The following GSTA4 variants were observed in gnomAD, a reference collection of about 807,000 sequenced individuals.
GSTA4 encodes the protein glutathione S-transferase alpha 4, also known as glutathione S-transferase A4.
Under a neutral mutation model 24.4 loss-of-function variants are expected in GSTA4, and 15 were observed. The ratio of observed to expected loss-of-function variants is 0.61; its 90% CI spans 0.41 to 0.95. The LOEUF is 0.95. Among genes scored for constraint, GSTA4 ranks in the 40% least tolerant of loss-of-function variants. The probability of loss-of-function intolerance (pLI) is 0.00; values close to 1 mark genes in which losing one functional copy is unlikely to be tolerated. For missense variants in GSTA4, 244 were observed against 262.1 expected, an observed-to-expected ratio of 0.93 and a Z score of 0.48; for synonymous variants, 92 against 94.2, an observed-to-expected ratio of 0.98 and a Z score of 0.13.
intron 6 of GSTA4, among the ~76,000 whole-genome samples, chr6:52,980,599 C>A (rs597348): frequency 5.9e-5 from 9 of 151,654 alleles, no homozygotes; most frequent in Non-Finnish European, 1.2e-4. Context: ...CCACTGCGCC[C>A]GGCCTAGATT....
intron 2 of GSTA4, among the ~76,000 whole-genome samples, chr6:52,993,664 G>A (rs529469384): frequency 1.3e-5 from 2 of 152,204 alleles, no homozygotes; most frequent in South Asian, 4.1e-4. Flanking sequence ...CTGAAGTCGG[G>A]TGATGAGTAC....
Position 52,993,606 on chromosome 6 carries a change from G to T in GSTA4, c.87+551C>A, listed in dbSNP as rs1359085655. On this transcript the variant is annotated intron_variant, in intron 2 of 6. Coordinates refer to ENST00000370963, the MANE Select transcript of GSTA4 (RefSeq NM_001512.4). ...CTTTAAAATACTCCCACAAAACAAG[G>T]GAAGGGAGGTGATAGATGAAACAAG... Among the ~76,000 whole-genome samples, 3 of 152,188 alleles carry T rather than the reference G, an allele frequency of 2.0e-5. No individual in the cohort carries two copies. The East Asian group carries it at 5.8e-4, about 29-fold the overall frequency.
intron 3 of GSTA4, among the ~76,000 whole-genome samples, chr6:52,985,868 T>C (rs1434919886): frequency 6.6e-6 from 1 of 151,902 alleles, no homozygotes; most frequent in Non-Finnish European, 1.5e-5. Context: ...CTGGCCAACA[T>C]AGTGAAACCC....
At chr6:52,991,911 C>A (rs1763669097) in intron 2 of GSTA4, among the ~76,000 whole-genome samples, 1 of 152,084 alleles carries the variant, frequency 6.6e-6, no homozygotes, top group Non-Finnish European at 1.5e-5. Flanking sequence ...CACATGCCAC[C>A]ACACCCAGCT....
At chr6:52,987,933 T>A (rs1763594025) in intron 2 of GSTA4, 2 of 152,192 alleles carry the variant, frequency 1.3e-5, no homozygotes, top group African/African-American at 4.8e-5. Flanking sequence ...ATCAATTTTT[T>A]AAAAAGATAT....
chr6:52,994,268 T>C lies in GSTA4; in HGVS notation c.-18-7A>G, dbSNP rs778935531. 13 of 1,504,058 alleles carry C rather than the reference T, an allele frequency of 8.6e-6. No individual in the cohort carries two copies. The highest frequency in any genetic ancestry group is 2.2e-5 in the South Asian group (2 of 88,982). The allele number at this position is 1,504,058 out of a possible 1,614,324, so 93.2% of individuals were successfully genotyped here. ...TGATAGCTTTTCAGGCTTTCTGAAA[T>C]ACAAATGCAGCAGCTCGTCGCAGAC... On this transcript the variant is annotated splice_polypyrimidine_tract_variant and splice_region_variant and intron_variant, in intron 1 of 6. Coordinates refer to ENST00000370963, the MANE Select transcript of GSTA4 (RefSeq NM_001512.4).
chr6:52,985,760 A>C (rs1763540674), intron 3 of GSTA4, among the ~76,000 whole-genome samples, 177 bp from the exon 4 acceptor site: 2 of 152,146 alleles, frequency 1.3e-5, no homozygotes, highest in Non-Finnish European at 2.9e-5. Context: ...GCCACAAAAG[A>C]AGCCTGAAGG....
chr6:52,994,641 C>T (rs565964864), intron 1 of GSTA4, among the ~76,000 whole-genome samples: 2 of 152,080 alleles, frequency 1.3e-5, no homozygotes, highest in African/African-American at 4.8e-5. Context: ...AAGAGGGTAG[C>T]GAAGGAAAAT....
chr6:52,980,134 A>G (rs1246060521), intron 6 of GSTA4, among the ~76,000 whole-genome samples: 2 of 152,156 alleles, frequency 1.3e-5, no homozygotes, highest in East Asian at 3.8e-4. Flanking sequence ...CATCAATGTA[A>G]AATACCAATA....
intron 2 of GSTA4, among the ~76,000 whole-genome samples, chr6:52,992,410 T>C (rs1383716456): frequency 1.3e-5 from 2 of 152,242 alleles, no homozygotes; most frequent in African/African-American, 4.8e-5. Context: ...ATTCTCATCA[T>C]TTTGAATGTG....
rs1161538333 is a variant in GSTA4, at chr6:52,985,449, A to G, written c.272+2T>C. The G allele has an allele frequency of 6.2e-7, 1 of 1,613,794 alleles. No individual in the cohort carries two copies. The highest frequency in any genetic ancestry group is 1.3e-5 in the African/African-American group (1 of 75,034). On this transcript the variant is annotated splice_donor_variant, in intron 4 of 6. Transcript: ENST00000370963. LOFTEE classifies it high-confidence loss of function. ...GACAACACTCGAGAGGGGCCACAGT[A>G]CAGGGTTCTCTCCTTGAGGTTCTTG... is the stretch of plus-strand genomic sequence containing the variant.
chr6:52,984,974 C>A (rs1008768487), intron 4 of GSTA4, among the ~76,000 whole-genome samples: 2 of 152,132 alleles, frequency 1.3e-5, no homozygotes, highest in African/African-American at 4.8e-5. Context: ...GTGCTAAACA[C>A]TCTCTATCCA....
At chr6:52,992,631 GA>G (rs559448536) in intron 2 of GSTA4, among the ~76,000 whole-genome samples, 8 of 151,842 alleles carry the variant, frequency 5.3e-5, no homozygotes, top group South Asian at 2.1e-4. Flanking sequence ...GTCTAATCAT[GA>G]AAAAAACAAG....
Position 52,994,185 on chromosome 6 carries a change from C to T in GSTA4, c.59G>A (p.Arg20Lys). Residue 20 changes from arginine (R) to lysine (K), a missense_variant, in exon 2 of 7, where the codon AGA becomes AAA. By Grantham distance (26) the Arg-to-Lys change is conservative. Transcript: ENST00000370963. ...PNGRGRMESV[R>K]WVLAAAGVEF... ...GACTCCGGCGGCAGCTAAAACCCAT[C>T]TCACGGACTCCATCCGGCCTCTTCC... 3.1e-6 allele frequency: 5 copies of T among 1,613,480 alleles called. No homozygotes were observed. The highest frequency in any genetic ancestry group is 4.2e-6 in the Non-Finnish European group (5 of 1,179,366).
In GSTA4 at chr6:52,978,573, C is replaced by A; in HGVS notation, c.566G>T (p.Ser189Ile). Reference protein sequence around the residue: ...PFLQEYTVKLSNIPTIKRFLE... With the variant: ...PFLQEYTVKLINIPTIKRFLE... ...GAATCTCTTAATTGTAGGGATATTA[C>A]TTAGTTTCACTGTGTATTCCTGAAA... The change falls in exon 7 of 7, where the codon AGT becomes ATT. Residue 189 changes from serine (S) to isoleucine (I), a missense_variant. Physicochemically the swap from Ser to Ile is moderately radical, Grantham distance 142 (BLOSUM62 -2). Coordinates refer to ENST00000370963, the MANE Select transcript of GSTA4 (RefSeq NM_001512.4). 6.2e-7 allele frequency: 1 copy of A among 1,610,476 alleles called. No individual in the cohort carries two copies.
At position 52,984,509 on chromosome 6, in the gene GSTA4, G is replaced by A. The variant is rs1763514353; in HGVS notation, c.369C>T (p.Asn123=). ...KPDDQQKEVV[N]MAQKAIIRYF... ...ATCTAATTATAGCCTTCTGGGCCAT[G>A]TTAACCACTTCCTTTTGCTGATCAT... The change falls in exon 5 of 7, where the codon AAC becomes AAT. Residue 123 remains asparagine (N), a synonymous_variant. Coordinates refer to ENST00000370963, the MANE Select transcript of GSTA4 (RefSeq NM_001512.4). 6.2e-7 allele frequency: 1 copy of A among 1,613,832 alleles called. No individual in the cohort carries two copies. Among genetic ancestry groups the A allele is most frequent in the Non-Finnish European group, 8.5e-7 (1 of 1,179,768 alleles).
chr6:52,980,051 A>G (rs1173961294), intron 6 of GSTA4, among the ~76,000 whole-genome samples: 2 of 152,182 alleles, frequency 1.3e-5, no homozygotes, highest in East Asian at 1.9e-4. Context: ...TTGATGCTCA[A>G]TCTGATCACA....
intron 5 of GSTA4, 39 bp from the exon 6 acceptor site, chr6:52,982,744 A>G (rs201318571): frequency 9.4e-5 from 144 of 1,540,054 alleles, no homozygotes; most frequent in Non-Finnish European, 1.2e-4. Flanking sequence ...AATATTCCAC[A>G]TGGAGAGAGT....
chr6:52,980,311 G>GTTTTT (rs10658673), intron 6 of GSTA4, among the ~76,000 whole-genome samples: 2 of 147,298 alleles, frequency 1.4e-5, no homozygotes, highest in Non-Finnish European at 1.5e-5. Flanking sequence ...ATTTCACTTT[G>GTTTTT]TTTTTTTTTT....
Sources: allele counts gnomAD v4.1 joint callset (sites outside exome capture counted in the v4.1 genomes callset), GRCh38; gene constraint gnomAD v4.1.1; transcripts MANE v1.5; gene names NCBI Gene and HGNC (gene_info 2026-07-23, HGNC 2026-07-21).